PARD3: variants seen among roughly 807,000 people sequenced by gnomAD.
PARD3 encodes par-3 family cell polarity regulator, also known as partitioning defective 3 homolog.
PARD3 carries 75 observed loss-of-function variants against 155.4 expected under a neutral mutation model. The observed-to-expected ratio is 0.48, with a 90% CI of 0.40 to 0.58. PARD3 has a LOEUF of 0.58. Ranked by LOEUF, PARD3 falls within the 20% of genes least tolerant of loss-of-function variation. The pLI is 0.00. For synonymous variants in PARD3, 576 were observed against 610.5 expected (o/e 0.94, Z 0.83); for missense variants, 1,642 against 1,721.7 (o/e 0.95, Z 0.82).
chr10:34,625,050 C>G (rs1190441853), intron 2 of PARD3, among the ~76,000 whole-genome samples: 1 of 152,206 alleles, frequency 6.6e-6, no homozygotes, highest in Non-Finnish European at 1.5e-5. Flanking sequence ...GCTCAGCTTC[C>G]ACAGGGACCT....
chr10:34,597,865 A>C (rs1590166227), intron 2 of PARD3, among the ~76,000 whole-genome samples: 2 of 152,248 alleles, frequency 1.3e-5, no homozygotes, highest in Non-Finnish European at 2.9e-5. Flanking sequence ...TCAGCAATTA[A>C]GCCTTAAATA....
chr10:34,270,884 T>G (rs928695236), intron 21 of PARD3, among the ~76,000 whole-genome samples: 1 of 152,206 alleles, frequency 6.6e-6, no homozygotes, highest in Non-Finnish European at 1.5e-5. Context: ...GAAGTTACGT[T>G]TAGTTTACTA....
At chr10:34,127,743 T>C (rs994227084) in intron 23 of PARD3, among the ~76,000 whole-genome samples, 10 of 152,206 alleles carry the variant, frequency 6.6e-5, no homozygotes, top group Non-Finnish European at 1.0e-4. Context: ...TGTGCATGTG[T>C]GTTAACTATT....
intron 3 of PARD3, among the ~76,000 whole-genome samples, chr10:34,476,823 G>A (rs2078740010): frequency 6.6e-6 from 1 of 152,216 alleles, no homozygotes; most frequent in Admixed American, 6.5e-5. Flanking sequence ...AAGCAACACA[G>A]AGTTCTAGAG....
At chr10:34,722,661 C>G (rs911188044) in intron 1 of PARD3, among the ~76,000 whole-genome samples, 1 of 152,148 alleles carries the variant, frequency 6.6e-6, no homozygotes, top group Non-Finnish European at 1.5e-5. Context: ...GCCTATGCTC[C>G]GAAAGCTGTT....
intron 22 of PARD3, among the ~76,000 whole-genome samples, chr10:34,190,650 C>T (rs1254745614): frequency 6.6e-6 from 1 of 152,106 alleles, no homozygotes; most frequent in African/African-American, 2.4e-5. Context: ...CCCTTGGGAG[C>T]CCATGGCCTA....
intron 3 of PARD3, among the ~76,000 whole-genome samples, chr10:34,502,758 A>G (rs1268148807): frequency 6.6e-6 from 1 of 152,184 alleles, no homozygotes; most frequent in Non-Finnish European, 1.5e-5. Flanking sequence ...CCATCTCAAA[A>G]AAAACAAAAA....
intron 2 of PARD3, among the ~76,000 whole-genome samples, chr10:34,607,153 C>T (rs528243313): frequency 2.0e-5 from 3 of 152,178 alleles, no homozygotes; most frequent in South Asian, 2.1e-4. Context: ...CTTCACCTTA[C>T]AGATTTCGAA....
intron 1 of PARD3, among the ~76,000 whole-genome samples, chr10:34,752,213 C>G (rs1836129286): frequency 6.6e-6 from 1 of 151,494 alleles, no homozygotes; most frequent in African/African-American, 2.4e-5. Flanking sequence ...TCAAGCTTAC[C>G]AGGGAACAAC....
intron 22 of PARD3, among the ~76,000 whole-genome samples, chr10:34,189,145 A>G (rs1342952655): frequency 6.6e-6 from 1 of 152,188 alleles, no homozygotes; most frequent in Non-Finnish European, 1.5e-5. Context: ...AAGCCTGGGC[A>G]ACATAGAAAG....
chr10:34,317,928 G>C (rs952786028), intron 19 of PARD3, among the ~76,000 whole-genome samples: 1 of 152,136 alleles, frequency 6.6e-6, no homozygotes, highest in Non-Finnish European at 1.5e-5. Context: ...ACTCTTCTTT[G>C]CATAAGGCCA....
intron 11 of PARD3, among the ~76,000 whole-genome samples, chr10:34,374,282 G>A (rs1347671651): frequency 6.6e-6 from 1 of 152,158 alleles, no homozygotes; most frequent in East Asian, 1.9e-4. Flanking sequence ...AAGGAGATAG[G>A]TTGCAAAAGT....
chr10:34,115,570 GAGAGT>G (rs1946622144), intron 24 of PARD3, among the ~76,000 whole-genome samples: 1 of 152,162 alleles, frequency 6.6e-6, no homozygotes, highest in African/African-American at 2.4e-5. Flanking sequence ...CAGCTGCTGA[GAGAGT>G]AAATATTTGA....
At chr10:34,661,789 G>A (rs1241943916) in intron 2 of PARD3, among the ~76,000 whole-genome samples, 6 of 152,192 alleles carry the variant, frequency 3.9e-5, no homozygotes, top group African/African-American at 7.2e-5. Context: ...AGGAGGGACC[G>A]CCCAGACAGT....
At chr10:34,441,652 C>A (rs1050295148) in intron 5 of PARD3, among the ~76,000 whole-genome samples, 1 of 151,932 alleles carries the variant, frequency 6.6e-6, no homozygotes, top group Non-Finnish European at 1.5e-5. Flanking sequence ...AGAACGTCCA[C>A]CAGAGCCCCA....
chr10:34,123,822 A>G (rs1023987765), intron 23 of PARD3, among the ~76,000 whole-genome samples: 54 of 152,296 alleles, frequency 3.5e-4, no homozygotes, highest in African/African-American at 9.4e-4. Context: ...GAAAATACAA[A>G]ACGAAATATT....
chr10:34,584,281 T>C (rs2087788216), intron 2 of PARD3, among the ~76,000 whole-genome samples: 1 of 152,190 alleles, frequency 6.6e-6, no homozygotes, highest in African/African-American at 2.4e-5. Flanking sequence ...GAATCACTGA[T>C]GTTGTCTCAG....
At chr10:34,478,713 T>C (rs2078872923) in intron 3 of PARD3, among the ~76,000 whole-genome samples, 1 of 152,152 alleles carries the variant, frequency 6.6e-6, no homozygotes, top group African/African-American at 2.4e-5. Flanking sequence ...CCAGCTAATT[T>C]TGTATATTTA....
At chr10:34,332,949 G>C (rs117145710) in intron 18 of PARD3, among the ~76,000 whole-genome samples, 1,777 of 152,024 alleles carry the variant, frequency 0.012, 7 homozygotes, top group Non-Finnish European at 0.018. Context: ...AGAAATGAAG[G>C]AATAAAAAAG....
Sources: allele counts gnomAD v4.1 joint callset (sites outside exome capture counted in the v4.1 genomes callset), GRCh38; gene constraint gnomAD v4.1.1; transcripts MANE v1.5; gene names NCBI Gene and HGNC (gene_info 2026-07-23, HGNC 2026-07-21).